The following STAU2 variants were observed in gnomAD, a reference collection of about 807,000 sequenced individuals.
The protein encoded by STAU2 is staufen double-stranded RNA binding protein 2, also known as double-stranded RNA-binding protein Staufen homolog 2.
In STAU2, 20 loss-of-function variants were observed where a neutral mutation model predicts 65.9. That is an observed-to-expected ratio of 0.30 (90% CI 0.21 to 0.44). The LOEUF (loss-of-function observed/expected upper bound fraction) is 0.44. Among genes scored for constraint, STAU2 ranks in the 20% least tolerant of loss-of-function variants. The probability of loss-of-function intolerance (pLI) is 1.00; values close to 1 mark genes in which losing one functional copy is unlikely to be tolerated. For missense variants in STAU2, 558 were observed against 683.9 expected (o/e 0.82, Z 2.05); for synonymous variants, 232 against 233.9 (o/e 0.99, Z 0.07).
intron 3 of STAU2, among the ~76,000 whole-genome samples, chr8:73,717,893 C>T (rs545358012): frequency 6.6e-6 from 1 of 152,302 alleles, no homozygotes; most frequent in East Asian, 1.9e-4. Flanking sequence ...TTTAGAATCA[C>T]CCTGTGCAGT....
chr8:73,681,709 A>G (rs997578039), intron 5 of STAU2, among the ~76,000 whole-genome samples: 3 of 152,152 alleles, frequency 2.0e-5, no homozygotes, highest in Admixed American at 6.5e-5. Flanking sequence ...TCACCAACCA[A>G]GTATCTGCTG....
chr8:73,500,851 A>C (rs1821709991), intron 13 of STAU2, among the ~76,000 whole-genome samples: 1 of 151,944 alleles, frequency 6.6e-6, no homozygotes, highest in Non-Finnish European at 1.5e-5. Context: ...ATATAAAGGA[A>C]TTTGCACAAT....
Position 73,582,823 on chromosome 8 carries a change from T to C in STAU2, c.1169A>G (p.Glu390Gly), listed in dbSNP as rs780185141. 2 of 1,611,312 alleles carry C rather than the reference T, an allele frequency of 1.2e-6. No homozygotes were observed. Among genetic ancestry groups the C allele is most frequent in the Non-Finnish European group, 8.5e-7 (1 of 1,178,160 alleles). ...NLQDQLEKTG[E>G]NKGWSGPKPG... ...CTTTGGACCACTCCATCCTTTGTTT[T>C]CCCCTGTCTGAAAGATTAAATCAAT... The change falls in exon 12 of 15, where the codon GAA (glutamate) becomes GGA (glycine). Residue 390 changes from glutamate (E) to glycine (G), a missense_variant. Glu to Gly is a moderately conservative substitution (Grantham distance 98). Around this residue, in one of 3 missense-constraint regions of STAU2, gnomAD observed 247 missense variants for 270.1 expected, o/e 0.91. Coordinates refer to ENST00000524300, the MANE Select transcript of STAU2 (RefSeq NM_001164380.2).
intron 6 of STAU2, among the ~76,000 whole-genome samples, chr8:73,626,544 G>A (rs534089611): frequency 2.0e-5 from 3 of 152,286 alleles, no homozygotes; most frequent in South Asian, 2.1e-4. Context: ...TAGGTGACAA[G>A]CCATTCCATA....
At chr8:73,548,687 C>T (rs1315965288) in intron 13 of STAU2, among the ~76,000 whole-genome samples, 1 of 152,134 alleles carries the variant, frequency 6.6e-6, no homozygotes, top group African/African-American at 2.4e-5. Flanking sequence ...TTAACTAAAA[C>T]ACCAACTAAG....
intron 12 of STAU2, among the ~76,000 whole-genome samples, chr8:73,576,577 T>C (rs184898938): frequency 6.6e-6 from 1 of 152,228 alleles, no homozygotes; most frequent in East Asian, 1.9e-4. Flanking sequence ...AAGGTGAAGG[T>C]AAATATATTG....
intron 13 of STAU2, among the ~76,000 whole-genome samples, chr8:73,467,475 T>G (rs979268503): frequency 3.9e-5 from 6 of 152,122 alleles, no homozygotes; most frequent in African/African-American, 1.4e-4. Flanking sequence ...GAGCTTGCAG[T>G]GAGCCGAGAT....
intron 9 of STAU2, among the ~76,000 whole-genome samples, chr8:73,610,463 G>T (rs1812364652): frequency 6.6e-6 from 1 of 150,836 alleles, no homozygotes; most frequent in Non-Finnish European, 1.5e-5. Flanking sequence ...TTGAACCCAG[G>T]AGGCAGAAGT....
intron 13 of STAU2, among the ~76,000 whole-genome samples, chr8:73,535,835 C>T (rs1227699423): frequency 1.3e-5 from 2 of 152,176 alleles, no homozygotes; most frequent in East Asian, 1.9e-4. Context: ...ACAAACTCTT[C>T]TCTCTATGGG....
chr8:73,637,477 T>TAAAAAAAAAAAAAAAGAAAAAAA (rs1814619913), intron 6 of STAU2, among the ~76,000 whole-genome samples: 1 of 57,086 alleles, frequency 1.8e-5, no homozygotes, highest in African/African-American at 7.3e-5. Flanking sequence ...GTGCTGAAAG[T>TAAAAAAAAAAAAAAAGAAAAAAA]AAAAAAAAAA....
chr8:73,504,397 G>A (rs759256485), intron 13 of STAU2, among the ~76,000 whole-genome samples: 1 of 152,074 alleles, frequency 6.6e-6, no homozygotes, highest in East Asian at 1.9e-4. Flanking sequence ...ATACTAAGTT[G>A]TCACAAAATA....
chr8:73,625,978 T>C (rs1195362923), intron 6 of STAU2, among the ~76,000 whole-genome samples: 1 of 152,116 alleles, frequency 6.6e-6, no homozygotes, highest in East Asian at 1.9e-4. Flanking sequence ...TAATTCAACA[T>C]ATACTTATTA....
At chr8:73,457,599 C>A (rs1032863422) in intron 13 of STAU2, among the ~76,000 whole-genome samples, 1 of 152,232 alleles carries the variant, frequency 6.6e-6, no homozygotes, top group Non-Finnish European at 1.5e-5. Flanking sequence ...ACATCTCCCA[C>A]GTCCCTATGA....
intron 4 of STAU2, among the ~76,000 whole-genome samples, chr8:73,689,219 C>T (rs954013048): frequency 2.0e-5 from 3 of 152,204 alleles, no homozygotes; most frequent in African/African-American, 7.2e-5. Context: ...TTGAATGTTA[C>T]ATTTAGCACA....
At chr8:73,651,745 G>A (rs990134777) in intron 6 of STAU2, 9 of 425,962 alleles carry the variant, frequency 2.1e-5, no homozygotes, top group East Asian at 5.2e-5. Context: ...CCCTGTCCAC[G>A]GGGCCCTGGG....
At chr8:73,530,380 A>C (rs7819408) in intron 13 of STAU2, among the ~76,000 whole-genome samples, 104,636 of 152,010 alleles carry the variant, frequency 0.69, 37,047 homozygotes, top group Non-Finnish European at 0.79. Context: ...CCCTTGTAAA[A>C]GTCAGTACAA....
chr8:73,573,846 A>G (rs1809301287), intron 12 of STAU2, among the ~76,000 whole-genome samples: 1 of 152,172 alleles, frequency 6.6e-6, no homozygotes, highest in Non-Finnish European at 1.5e-5. Flanking sequence ...AGGCATGGGC[A>G]AGGAGTTCAT....
chr8:73,574,080 C>G (rs1809323508), intron 12 of STAU2, among the ~76,000 whole-genome samples: 1 of 152,140 alleles, frequency 6.6e-6, no homozygotes, highest in South Asian at 2.1e-4. Flanking sequence ...GCAACCCCAT[C>G]AAAAAGTGGG....
At chr8:73,605,688 T>A (rs1443663946) in intron 9 of STAU2, among the ~76,000 whole-genome samples, 1 of 151,056 alleles carries the variant, frequency 6.6e-6, no homozygotes, top group African/African-American at 2.4e-5. Flanking sequence ...GAACCAAAAT[T>A]TTGGGGGAAA....
Sources: allele counts gnomAD v4.1 joint callset (sites outside exome capture counted in the v4.1 genomes callset), GRCh38; gene constraint gnomAD v4.1.1; regional missense constraint gnomAD v4.1.1; transcripts MANE v1.5; gene names NCBI Gene and HGNC (gene_info 2026-07-23, HGNC 2026-07-21).